The following NFATC2 variants were observed in gnomAD, a reference collection of about 807,000 sequenced individuals.
NFATC2 encodes nuclear factor of activated T-cells, cytoplasmic 2.
A neutral mutation model predicts 87.3 loss-of-function variants in NFATC2; 22 were observed. The observed-to-expected ratio is 0.25, with a 90% CI of 0.18 to 0.36. The LOEUF (loss-of-function observed/expected upper bound fraction) is 0.36. Among genes scored for constraint, NFATC2 ranks in the 10% least tolerant of loss-of-function variants. NFATC2 has a pLI of 1.00. For synonymous variants in NFATC2, 565 were observed against 542.2 expected, an observed-to-expected ratio of 1.04 and a Z score of -0.58; for missense variants, 1,149 against 1,259.1, an observed-to-expected ratio of 0.91 and a Z score of 1.32.
intron 9 of NFATC2, among the ~76,000 whole-genome samples, chr20:51,428,514 G>C (rs748981391): frequency 6.6e-6 from 1 of 152,244 alleles, no homozygotes; most frequent in Non-Finnish European, 1.5e-5. Flanking sequence ...GCCAGCCGGC[G>C]TCTGTGTGCA....
rs374907981 is a variant in NFATC2 at position 51,432,455 on chromosome 20, C to G, written c.2334G>C (p.Ala778=). 1.3e-6 allele frequency: 2 copies of G among 1,566,754 alleles called. No homozygotes were observed. The highest frequency in any genetic ancestry group is 1.8e-5 in the Admixed American group (1 of 55,900). Residue 778 remains alanine (A), a synonymous_variant, in exon 9 of 11, where the codon GCG becomes GCC. Transcript: ENST00000371564. The surrounding 1 kb of genome is among the most constrained non-coding windows in gnomAD (Gnocchi z 4.6). ...GCACCAGCACAGAGCGGTGAGCGTC[C>G]GCAAGGGACAGCGGGGCGGCCATGA... ...PALMAAPLSL[A]DAHRSVLVHA...
At chr20:51,439,899 G>C (rs1028369581) in intron 6 of NFATC2, among the ~76,000 whole-genome samples, 1 of 152,122 alleles carries the variant, frequency 6.6e-6, no homozygotes, top group Non-Finnish European at 1.5e-5. Context: ...TTATGGGGTC[G>C]TTCTGAAGAT....
chr20:51,545,806 T>C (rs1056041902), upstream of NFATC2, among the ~76,000 whole-genome samples: 1 of 151,940 alleles, frequency 6.6e-6, no homozygotes, highest in African/African-American at 2.4e-5. Context: ...AATGGATAAA[T>C]GGATGAATGA....
rs540240755 is a variant in NFATC2 at position 51,467,905 on chromosome 20, G to A, written c.1708+6075C>T. Among the ~76,000 whole-genome samples, 7 of 152,244 alleles carry A rather than the reference G, an allele frequency of 4.6e-5. No individual in the cohort carries two copies. The South Asian group carries it at 1.5e-3, about 32-fold the overall frequency. On this transcript the variant is annotated intron_variant, in intron 5 of 10. Coordinates refer to ENST00000371564, the MANE Select transcript of NFATC2 (RefSeq NM_012340.5). ...CCTTATCCATAAACCTAAGCCCCGG[G>A]AACAGACCAAATTTCTATCAATGGT...
At chr20:51,505,420 C>T (rs189861982) in intron 3 of NFATC2, among the ~76,000 whole-genome samples, 4 of 150,716 alleles carry the variant, frequency 2.7e-5, no homozygotes, top group South Asian at 2.1e-4. Flanking sequence ...AAATACATAT[C>T]GGTGTACATA....
At chr20:51,468,277 C>T (rs2146488812) in intron 5 of NFATC2, among the ~76,000 whole-genome samples, 1 of 151,710 alleles carries the variant, frequency 6.6e-6, no homozygotes, top group East Asian at 1.9e-4. Flanking sequence ...CACTGAACAC[C>T]TACAATCTAT....
rs374211041 is a variant in NFATC2 at position 51,475,267 on chromosome 20, C to T, written c.1535+191G>A. ...TACAGGCGCGAGCCACCACGCCCGG[C>T]CTACATATTATGCTTTTAAAATGGA... is the stretch of plus-strand genomic sequence containing the variant. On this transcript the variant is annotated intron_variant, in intron 4 of 10. Coordinates refer to ENST00000371564, the MANE Select transcript of NFATC2 (RefSeq NM_012340.5). Among the ~76,000 whole-genome samples, 261 of 152,220 alleles carry T rather than the reference C, an allele frequency of 1.7e-3. 2 individuals are homozygous for T. Among genetic ancestry groups the T allele is most frequent in the African/African-American group, 6.1e-3 (252 of 41,518 alleles).
At chr20:51,474,912 A>G (rs1988569108) in intron 4 of NFATC2, among the ~76,000 whole-genome samples, 1 of 152,044 alleles carries the variant, frequency 6.6e-6, no homozygotes, top group Non-Finnish European at 1.5e-5. Flanking sequence ...CATAACACAA[A>G]TATTCACGAG....
intron 5 of NFATC2, among the ~76,000 whole-genome samples, chr20:51,459,531 A>G (rs1986920930): frequency 6.6e-6 from 1 of 152,200 alleles, no homozygotes; most frequent in African/African-American, 2.4e-5. Flanking sequence ...ATAGTTTACT[A>G]GCTGTGTGGC....
At chr20:51,423,080 G>A (rs1392086991) in intron 9 of NFATC2, among the ~76,000 whole-genome samples, 1 of 151,982 alleles carries the variant, frequency 6.6e-6, no homozygotes, top group Non-Finnish European at 1.5e-5. Context: ...TTGAGCCCAG[G>A]AGTTCGAGAC....
chr20:51,535,571 T>C (rs1409881562), intron 1 of NFATC2, among the ~76,000 whole-genome samples: 1 of 152,226 alleles, frequency 6.6e-6, no homozygotes, highest in Non-Finnish European at 1.5e-5. Flanking sequence ...ACTTCATCAG[T>C]GGCCCCTGCC....
In NFATC2 at chr20:51,454,672, G is replaced by T; in HGVS notation, c.1725C>A (p.His575Gln). 6.2e-7 allele frequency: 1 copy of T among 1,614,004 alleles called. No individual in the cohort carries two copies. The highest frequency in any genetic ancestry group is 1.3e-5 in the African/African-American group (1 of 75,048). Residue 575 changes from histidine (H) to glutamine (Q), a missense_variant, in exon 6 of 11, where the codon CAC becomes CAA. Transcript: ENST00000371564. The stretch of plus-strand genomic sequence containing the variant: ...CTTGTCTTTCAACCATGGGCAGCTC[G>T]TGAGCAGATCGCTGGGCTGCAGGCA... ...NPIECSQRSA[H>Q]ELPMVERQDT...
intron 3 of NFATC2, among the ~76,000 whole-genome samples, chr20:51,476,130 GGTTA>G (rs1349163611): frequency 6.7e-6 from 1 of 149,852 alleles, no homozygotes; most frequent in Non-Finnish European, 1.5e-5. Context: ...ACAACGTGCA[GGTTA>G]GTTATATATG....
rs992066762 is a variant in NFATC2, at chr20:51,528,523, C to G, written c.131-4413G>C. ...ATGTACACACACATATGTACACACA[C>G]AGACAGATGTACACGCACAGCTGAA... On this transcript the variant is annotated intron_variant, in intron 1 of 10. Transcript: ENST00000371564. Among the ~76,000 whole-genome samples, 8 of 152,090 alleles carry G rather than the reference C, an allele frequency of 5.3e-5. No homozygotes were observed. In the South Asian group the frequency reaches 8.3e-4, roughly 16 times the overall value.
In NFATC2 at chr20:51,391,146, T is replaced by A; in HGVS notation, c.*350A>T. The A allele has an allele frequency of 1.5e-6, 1 of 649,194 alleles. No homozygotes were observed. The highest frequency in any genetic ancestry group is 2.8e-6 in the Non-Finnish European group (1 of 351,458). The allele number at this position is 649,194 out of a possible 1,614,324, so 40.2% of individuals were successfully genotyped here. A position where few individuals can be genotyped will look rare whatever the true frequency, so the allele number is the denominator to read the frequency against. On this transcript the variant is annotated 3_prime_UTR_variant, in exon 11 of 11. Transcript: ENST00000371564. ...TTTTGGTCAGCAGGTGCTTACTATT[T>A]GGACGGAACACCATTAAGATCAACC...
intron 1 of NFATC2, among the ~76,000 whole-genome samples, chr20:51,558,024 T>C (rs1432745793): frequency 1.3e-5 from 2 of 152,140 alleles, no homozygotes; most frequent in East Asian, 3.8e-4. Flanking sequence ...GATTCTCAAA[T>C]TCCTGTTCTA....
chr20:51,513,247 G>A (rs1422167074), intron 3 of NFATC2, among the ~76,000 whole-genome samples: 2 of 152,192 alleles, frequency 1.3e-5, no homozygotes, highest in African/African-American at 4.8e-5. Flanking sequence ...GGAGGATGAG[G>A]TGGTAGGATC....
chr20:51,470,805 A>G (rs190215367), intron 5 of NFATC2, among the ~76,000 whole-genome samples: 4 of 152,346 alleles, frequency 2.6e-5, no homozygotes, highest in Admixed American at 2.6e-4. Context: ...TTATGGACCT[A>G]CTAGGCACTG....
intron 5 of NFATC2, among the ~76,000 whole-genome samples, chr20:51,456,550 G>A (rs569368778): frequency 1.2e-4 from 18 of 152,196 alleles, no homozygotes; most frequent in Non-Finnish European, 2.1e-4. Flanking sequence ...TCCCAGGGCA[G>A]GCAAGAAACA....
Sources: allele counts gnomAD v4.1 joint callset (sites outside exome capture counted in the v4.1 genomes callset), GRCh38; gene constraint gnomAD v4.1.1; non-coding constraint Gnocchi (gnomAD v3.1); transcripts MANE v1.5; gene names NCBI Gene and HGNC (gene_info 2026-07-23, HGNC 2026-07-21).